Variants in DIAPH2 observed in about 807,000 individuals in gnomAD.
DIAPH2 encodes the protein protein diaphanous homolog 2.
DIAPH2 carries 35 observed loss-of-function variants against 92.7 expected under a neutral mutation model. That is an observed-to-expected ratio of 0.38 (90% CI 0.29 to 0.50). DIAPH2 has a LOEUF of 0.50. DIAPH2 is among the 20% of genes least tolerant of loss of function. The pLI is 0.94. For synonymous variants in DIAPH2, 301 were observed against 280.4 expected, an observed-to-expected ratio of 1.07 and a Z score of -0.73; for missense variants, 701 against 819.5, an observed-to-expected ratio of 0.86 and a Z score of 1.77.
chrX:97,440,263 A>G (rs1473084750), intron 26 of DIAPH2, among the ~76,000 whole-genome samples: 1 of 111,538 alleles, frequency 9.0e-6, no homozygotes, highest in Non-Finnish European at 1.9e-5. Context: ...GAGAACCACC[A>G]ATTTATGGGA....
chrX:97,178,446 T>C (rs1451673354), intron 22 of DIAPH2, among the ~76,000 whole-genome samples: 2 of 74,314 alleles, frequency 2.7e-5, no homozygotes, highest in African/African-American at 1.1e-4. Flanking sequence ...TATTTCTCTT[T>C]TTTTTTTTTT....
At chrX:97,297,436 A>G (rs762817153) in intron 23 of DIAPH2, among the ~76,000 whole-genome samples, 27 of 110,079 alleles carry the variant, frequency 2.5e-4, no homozygotes, top group African/African-American at 7.9e-4. Flanking sequence ...AGATTTATTT[A>G]GAACAGGGGC....
At chrX:97,211,252 A>T (rs1016715333) in intron 22 of DIAPH2, among the ~76,000 whole-genome samples, 2 of 111,652 alleles carry the variant, frequency 1.8e-5, no homozygotes, top group South Asian at 7.6e-4. Context: ...ATAAGAAGTG[A>T]ATATATATAA....
intron 7 of DIAPH2, 68 bp from the exon 8 acceptor site, chrX:96,916,370 T>C: frequency 1.0e-6 from 1 of 991,601 alleles, no homozygotes; most frequent in Non-Finnish European, 1.3e-6. Context: ...TCATTGTACG[T>C]TGCTTTTTTA....
chrX:97,241,455 G>A (rs112486593), intron 22 of DIAPH2, among the ~76,000 whole-genome samples: 286 of 110,442 alleles, frequency 2.6e-3, no homozygotes, highest in African/African-American at 9.0e-3. Flanking sequence ...CTGCCACCGC[G>A]CCCTGCTAAT....
intron 22 of DIAPH2, among the ~76,000 whole-genome samples, chrX:97,196,389 A>ACAGAAGATT (rs2067704385): frequency 8.9e-6 from 1 of 112,396 alleles, no homozygotes. Context: ...GCAGGATATA[A>ACAGAAGATT]CAGAAGATTG....
intron 12 of DIAPH2, among the ~76,000 whole-genome samples, chrX:96,941,294 C>G (rs2147803526): frequency 9.0e-6 from 1 of 111,415 alleles, no homozygotes; most frequent in Admixed American, 9.5e-5. Flanking sequence ...TAAATCTTAC[C>G]CAAATTTTAA....
chrX:97,589,316 C>CAAAAAAAAAAAAAAAAA (rs35492535), intron 26 of DIAPH2, among the ~76,000 whole-genome samples: 1 of 32,414 alleles, frequency 3.1e-5, no homozygotes, highest in Non-Finnish European at 5.7e-5. Flanking sequence ...GACTCCATCT[C>CAAAAAAAAAAAAAAAAA]AAAAAAAAAA....
intron 23 of DIAPH2, among the ~76,000 whole-genome samples, chrX:97,263,178 C>A (rs1402745542): frequency 1.8e-5 from 2 of 111,880 alleles, no homozygotes; most frequent in African/African-American, 6.5e-5. Context: ...AGATTTTTTT[C>A]CTCTATCATA....
At chrX:97,174,508 G>C (rs1257908271) in intron 22 of DIAPH2, among the ~76,000 whole-genome samples, 1 of 111,558 alleles carries the variant, frequency 9.0e-6, no homozygotes, top group African/African-American at 3.3e-5. Flanking sequence ...CATAGTAGAG[G>C]GTTACATTAA....
intron 23 of DIAPH2, among the ~76,000 whole-genome samples, chrX:97,249,463 T>C (rs2068169400): frequency 8.9e-6 from 1 of 111,990 alleles, no homozygotes; most frequent in Non-Finnish European, 1.9e-5. Context: ...TGTATTAAAA[T>C]GTATGGGGCT....
At chrX:97,285,715 G>C (rs2068536537) in intron 23 of DIAPH2, among the ~76,000 whole-genome samples, 1 of 110,734 alleles carries the variant, frequency 9.0e-6, no homozygotes, top group Non-Finnish European at 1.9e-5. Context: ...TCCCACCTCG[G>C]CCTCCCGAGT....
intron 23 of DIAPH2, among the ~76,000 whole-genome samples, chrX:97,336,774 C>T (rs1455988656): frequency 9.0e-6 from 1 of 111,013 alleles, no homozygotes; most frequent in African/African-American, 3.3e-5. Context: ...GGATGCAAAG[C>T]TAAACTCTGT....
chrX:96,925,879 T>G (rs1180486996), intron 9 of DIAPH2, among the ~76,000 whole-genome samples: 1 of 111,848 alleles, frequency 8.9e-6, no homozygotes, highest in Non-Finnish European at 1.9e-5. Flanking sequence ...TGTACATGAC[T>G]TCCGTTGGCT....
chrX:97,089,553 A>G (rs1175540555), intron 19 of DIAPH2, among the ~76,000 whole-genome samples: 1 of 111,068 alleles, frequency 9.0e-6, no homozygotes, highest in Non-Finnish European at 1.9e-5. Context: ...ATTGTCATAT[A>G]TGCTACTTAA....
intron 22 of DIAPH2, among the ~76,000 whole-genome samples, chrX:97,155,310 G>A (rs757860142): frequency 1.8e-5 from 2 of 110,744 alleles, no homozygotes; most frequent in East Asian, 5.7e-4. Context: ...AGACCAGCCT[G>A]ACCAACATGG....
At position 97,114,075 on chromosome X, in the gene DIAPH2, G is replaced by A. The variant is rs145481621; in HGVS notation, c.2350-651G>A. Among the ~76,000 whole-genome samples, 425 of 112,091 alleles carry A rather than the reference G, an allele frequency of 3.8e-3. 1 individual carries two copies. Among genetic ancestry groups the A allele is most frequent in the African/African-American group, 0.013 (412 of 30,941 alleles). ...TTGAACTGTATTGAAGAAAACCAAT[G>A]TAGAATTCTTGCATAATGTACTTGA... is the stretch of plus-strand genomic sequence containing the variant. On this transcript the variant is annotated intron_variant, in intron 20 of 26. Coordinates refer to ENST00000324765, the MANE Select transcript of DIAPH2 (RefSeq NM_006729.5).
chrX:97,210,624 A>G (rs1200038633), intron 22 of DIAPH2, among the ~76,000 whole-genome samples: 1 of 111,817 alleles, frequency 8.9e-6, no homozygotes, highest in Non-Finnish European at 1.9e-5. Flanking sequence ...CATGGAAAAT[A>G]TTTTATGGTA....
At chrX:96,872,444 T>A (rs1044736801) in intron 4 of DIAPH2, among the ~76,000 whole-genome samples, 8 of 111,133 alleles carry the variant, frequency 7.2e-5, no homozygotes, top group Non-Finnish European at 1.5e-4. Context: ...TCATTCTTTT[T>A]TATGGCGGAA....
Sources: gnomAD v4.1 joint callset for allele counts (sites outside exome capture counted in the v4.1 genomes callset) on GRCh38, gnomAD v4.1.1 for gene constraint, MANE v1.5 for transcripts, NCBI Gene and HGNC (gene_info 2026-07-23, HGNC 2026-07-21) for gene names.